Variants in ZNF385B observed in about 807,000 individuals in gnomAD.
ZNF385B encodes zinc finger protein 533.
In ZNF385B, 23 loss-of-function variants were observed where a neutral mutation model predicts 39.2. The ratio of observed to expected loss-of-function variants is 0.59; its 90% confidence interval spans 0.42 to 0.83. The LOEUF (loss-of-function observed/expected upper bound fraction) is 0.83. Ranked by LOEUF, ZNF385B falls within the 40% of genes least tolerant of loss-of-function variation. The probability of loss-of-function intolerance (pLI) is 0.00; values close to 1 mark genes in which losing one functional copy is unlikely to be tolerated. For synonymous variants in ZNF385B, 205 were observed against 222.6 expected, an observed-to-expected ratio of 0.92 and a Z score of 0.70; for missense variants, 552 against 598.9, an observed-to-expected ratio of 0.92 and a Z score of 0.82.
chr2:179,834,593 A>G (rs1559236176), intron 1 of ZNF385B, among the ~76,000 whole-genome samples: 1 of 152,212 alleles, frequency 6.6e-6, no homozygotes, highest in Non-Finnish European at 1.5e-5. Flanking sequence ...TACAGGGAAC[A>G]AGAGAAATGG....
At position 179,629,245 on chromosome 2, in the gene ZNF385B, G is replaced by A. The variant is rs558516498; in HGVS notation, c.299-84276C>T. The stretch of plus-strand genomic sequence containing the variant: ...GAGAAATTCTCAGCCAGAACAGGCC[G>A]AGCCCTCACAGAACACAGATGACAC... On this transcript the variant is annotated intron_variant, in intron 3 of 9. Transcript: ENST00000410066. Among the ~76,000 whole-genome samples the A allele has an allele frequency of 9.2e-5, 14 of 152,256 alleles. No homozygotes were observed. The South Asian group carries it at 2.9e-3, about 32-fold the overall frequency.
At chr2:179,705,691 G>A (rs750421569) in intron 3 of ZNF385B, among the ~76,000 whole-genome samples, 5 of 152,158 alleles carry the variant, frequency 3.3e-5, no homozygotes, top group South Asian at 2.1e-4. Context: ...AGATGAAACC[G>A]ACCAAGGGTT....
Position 179,739,684 on chromosome 2 carries a change from C to T in ZNF385B, c.298+29819G>A, listed in dbSNP as rs190573782. The stretch of plus-strand genomic sequence containing the variant: ...AATCGTATGATCATGGTGGCTGGCA[C>T]AAAATTTACCAACCCTGGAGTATTA... On this transcript the variant is annotated intron_variant, in intron 3 of 9. Coordinates refer to ENST00000410066, the MANE Select transcript of ZNF385B (RefSeq NM_152520.6). Among the ~76,000 whole-genome samples the T allele has an allele frequency of 1.5e-4, 23 of 152,254 alleles. No homozygotes were observed. In the East Asian group the frequency reaches 4.1e-3, roughly 27 times the overall value.
At chr2:179,813,317 C>G (rs1706850961) in intron 1 of ZNF385B, among the ~76,000 whole-genome samples, 1 of 152,144 alleles carries the variant, frequency 6.6e-6, no homozygotes, top group African/African-American at 2.4e-5. Context: ...GCCAGTTTAT[C>G]TTATTTACTT....
At chr2:179,739,339 G>A (rs1575394620) in intron 3 of ZNF385B, among the ~76,000 whole-genome samples, 1 of 152,176 alleles carries the variant, frequency 6.6e-6, no homozygotes, top group Non-Finnish European at 1.5e-5. Context: ...GAGAGATGAT[G>A]AGGTACCTCG....
rs138002104 is a variant in ZNF385B, at chr2:179,625,670, T to C, written c.299-80701A>G. Among the ~76,000 whole-genome samples, 652 of 152,198 alleles carry C rather than the reference T, an allele frequency of 4.3e-3. 4 individuals carry two copies. The highest frequency in any genetic ancestry group is 6.9e-3 in the Non-Finnish European group (467 of 67,978). The stretch of plus-strand genomic sequence containing the variant: ...TGCCAGATCCCTAAGGCAAAGTCCC[T>C]GACCTCAAAAGTCTTGAAATGTAAT... On this transcript the variant is annotated intron_variant, in intron 3 of 9. Coordinates refer to ENST00000410066, the MANE Select transcript of ZNF385B (RefSeq NM_152520.6).
chr2:179,612,679 A>G (rs879776610), intron 3 of ZNF385B, among the ~76,000 whole-genome samples: 38 of 152,188 alleles, frequency 2.5e-4, no homozygotes, highest in Non-Finnish European at 5.0e-4. Context: ...ACCTGAAGCC[A>G]GCATGGTGCT....
chr2:179,709,713 C>G (rs1277036359), intron 3 of ZNF385B, among the ~76,000 whole-genome samples: 1 of 152,220 alleles, frequency 6.6e-6, no homozygotes, highest in Non-Finnish European at 1.5e-5. Context: ...TAATGTTCTA[C>G]TTGTGCACAG....
rs1477095518 is a variant in ZNF385B at position 179,501,469 on chromosome 2, A to T, written c.552+17059T>A. On this transcript the variant is annotated intron_variant, in intron 5 of 9. Coordinates refer to ENST00000410066, the MANE Select transcript of ZNF385B (RefSeq NM_152520.6). ...TGGATGGATTATGTTAAGTAAAATA[A>T]GGCAGCCACAGAAAGACAAACATCA... Among the ~76,000 whole-genome samples, 9 of 152,294 alleles carry T rather than the reference A, an allele frequency of 5.9e-5. No individual in the cohort carries two copies. In the East Asian group the frequency reaches 1.5e-3, roughly 26 times the overall value.
At chr2:179,648,896 A>G (rs1692973379) in intron 3 of ZNF385B, among the ~76,000 whole-genome samples, 1 of 152,356 alleles carries the variant, frequency 6.6e-6, no homozygotes, top group South Asian at 2.1e-4. Context: ...AGTTTGACAA[A>G]GAATGAGATA....
intron 3 of ZNF385B, among the ~76,000 whole-genome samples, chr2:179,723,213 C>CA (rs1700800842): frequency 1.3e-5 from 2 of 152,030 alleles, no homozygotes; most frequent in African/African-American, 4.8e-5. Context: ...TATTCTGGGG[C>CA]TATAGCATAA....
At chr2:179,678,922 T>C (rs1191334925) in intron 3 of ZNF385B, among the ~76,000 whole-genome samples, 1 of 152,220 alleles carries the variant, frequency 6.6e-6, no homozygotes, top group Non-Finnish European at 1.5e-5. Flanking sequence ...AACAATAATG[T>C]GTATGAAAAT....
intron 3 of ZNF385B, among the ~76,000 whole-genome samples, chr2:179,715,211 T>C (rs1700258129): frequency 7.3e-6 from 1 of 137,820 alleles, no homozygotes; most frequent in Admixed American, 6.9e-5. Context: ...TGCCAAATCC[T>C]ATACTCTTAG....
intron 3 of ZNF385B, chr2:179,660,039 T>A (rs930463094): frequency 1.4e-4 from 21 of 152,584 alleles, no homozygotes; most frequent in Admixed American, 9.8e-4. Flanking sequence ...CTCCTATCAT[T>A]TTAAAACAAA....
chr2:179,701,677 C>T lies in ZNF385B; in HGVS notation c.298+67826G>A, dbSNP rs61545220. Among the ~76,000 whole-genome samples the T allele has an allele frequency of 4.7e-3, 713 of 152,270 alleles. 6 individuals are homozygous for T. The highest frequency in any genetic ancestry group is 0.017 in the African/African-American group (689 of 41,548). On this transcript the variant is annotated intron_variant, in intron 3 of 9. Coordinates refer to ENST00000410066, the MANE Select transcript of ZNF385B (RefSeq NM_152520.6). ...ATATTCTAAAGAAGTGAACAGCATGCATATTGTTCCTCAGAAATGCCTGGC... is the reference window on the plus strand; with the variant it reads ...ATATTCTAAAGAAGTGAACAGCATGTATATTGTTCCTCAGAAATGCCTGGC...
chr2:179,857,619 A>G (rs536417765), intron 1 of ZNF385B, among the ~76,000 whole-genome samples: 1 of 152,298 alleles, frequency 6.6e-6, no homozygotes, highest in East Asian at 1.9e-4. Flanking sequence ...AATTGTATCA[A>G]GGAGACTTGG....
intron 1 of ZNF385B, among the ~76,000 whole-genome samples, chr2:179,807,290 A>C (rs1308138414): frequency 6.6e-6 from 1 of 152,214 alleles, no homozygotes; most frequent in Non-Finnish European, 1.5e-5. Context: ...TTATAATGTC[A>C]AATTAAAAAG....
chr2:179,565,369 T>G (rs1044467562), intron 3 of ZNF385B, among the ~76,000 whole-genome samples: 1 of 152,204 alleles, frequency 6.6e-6, no homozygotes, highest in Admixed American at 6.6e-5. Context: ...ATGTAAATTC[T>G]TACTATGGTG....
chr2:179,546,227 G>C (rs184898807), intron 3 of ZNF385B, among the ~76,000 whole-genome samples: 1 of 151,926 alleles, frequency 6.6e-6, no homozygotes, highest in Admixed American at 6.6e-5. Flanking sequence ...GTAGAGATGG[G>C]GTTTTTGCCA....
Sources: allele counts gnomAD v4.1 joint callset (sites outside exome capture counted in the v4.1 genomes callset), GRCh38; gene constraint gnomAD v4.1.1; transcripts MANE v1.5; gene names NCBI Gene and HGNC (gene_info 2026-07-23, HGNC 2026-07-21).